The following ACER3 variants were observed in gnomAD, a reference collection of about 807,000 sequenced individuals.
ACER3 encodes alkCDase 3.
In ACER3, 16 loss-of-function variants were observed where a neutral mutation model predicts 48.9. That is an observed-to-expected ratio of 0.33 (90% confidence interval 0.22 to 0.50). The LOEUF is 0.50. Among genes scored for constraint, ACER3 ranks in the 20% least tolerant of loss-of-function variants. The probability of loss-of-function intolerance (pLI) is 0.98; values close to 1 mark genes in which losing one functional copy is unlikely to be tolerated. For missense variants in ACER3, 227 were observed against 326.0 expected (o/e 0.70, Z 2.34); for synonymous variants, 109 against 107.8 (o/e 1.01, Z -0.07).
rs1949527999 is a variant in ACER3 at position 77,024,848 on chromosome 11, T to G, written c.*4521T>G. Reference sequence around the variant, plus strand: ...AGTGTAGAAGACTGGTCACAAGAATTTTTTTTTAAATAGAAAACCCTAAAA... The same window carrying G: ...AGTGTAGAAGACTGGTCACAAGAATGTTTTTTTAAATAGAAAACCCTAAAA... On this transcript the variant is annotated 3_prime_UTR_variant, in exon 11 of 11. Transcript: ENST00000532485. 6.6e-6 allele frequency: 1 copy of G among 152,062 alleles called. No homozygotes were observed. 9.4% of individuals were successfully genotyped at this position (152,062 alleles called of 1,614,324 possible).
chr11:76,980,210 T>C (rs1948553725), intron 4 of ACER3, among the ~76,000 whole-genome samples: 1 of 152,162 alleles, frequency 6.6e-6, no homozygotes, highest in Non-Finnish European at 1.5e-5. Context: ...TCTTGAGCCA[T>C]AGTTTGTCAC....
intron 9 of ACER3, among the ~76,000 whole-genome samples, chr11:77,018,996 G>A (rs752081985): frequency 6.6e-6 from 1 of 152,074 alleles, no homozygotes; most frequent in Non-Finnish European, 1.5e-5. Context: ...CCTTCTATTG[G>A]AAGAAGATAC....
intron 2 of ACER3, among the ~76,000 whole-genome samples, chr11:76,952,667 TC>T (rs1249921982): frequency 4.5e-5 from 5 of 111,078 alleles, no homozygotes; most frequent in Non-Finnish European, 1.0e-4. Context: ...ACGTAAGATT[TC>T]TTTTTTTTTT....
At chr11:76,905,510 C>G (rs1412775817) in intron 1 of ACER3, among the ~76,000 whole-genome samples, 2 of 152,162 alleles carry the variant, frequency 1.3e-5, no homozygotes, top group Admixed American at 1.3e-4. Flanking sequence ...CTCAAGACCC[C>G]TTTCCATTTC....
intron 1 of ACER3, among the ~76,000 whole-genome samples, chr11:76,896,263 T>A (rs1463876233): frequency 6.6e-6 from 1 of 152,212 alleles, no homozygotes; most frequent in Non-Finnish European, 1.5e-5. Flanking sequence ...CATTGGATCC[T>A]TACTGTTGTA....
chr11:76,893,977 C>T (rs1332013472), intron 1 of ACER3, among the ~76,000 whole-genome samples: 1 of 152,166 alleles, frequency 6.6e-6, no homozygotes, highest in African/African-American at 2.4e-5. Context: ...TTGGCATCAG[C>T]ATTATATATT....
At chr11:76,931,012 GA>G (rs1280412455) in intron 2 of ACER3, among the ~76,000 whole-genome samples, 4 of 145,410 alleles carry the variant, frequency 2.8e-5, no homozygotes, top group African/African-American at 1.0e-4. Flanking sequence ...TCAATTCCTG[GA>G]TATCCTTGTT....
intron 7 of ACER3, among the ~76,000 whole-genome samples, chr11:77,009,697 G>C (rs1300561313): frequency 6.6e-6 from 1 of 152,132 alleles, no homozygotes; most frequent in African/African-American, 2.4e-5. Context: ...TTTAGTCCCA[G>C]CTACTCAGCA....
intron 1 of ACER3, among the ~76,000 whole-genome samples, chr11:76,915,218 A>T (rs565179046): frequency 3.4e-5 from 5 of 148,934 alleles, no homozygotes; most frequent in East Asian, 3.9e-4. Context: ...TAAATAAGTT[A>T]AAAAAAAAAG....
intron 4 of ACER3, among the ~76,000 whole-genome samples, chr11:76,982,354 C>T (rs185631657): frequency 1.3e-5 from 2 of 151,266 alleles, no homozygotes; most frequent in East Asian, 3.9e-4. Flanking sequence ...GTAGCTGGGA[C>T]TACAGGCACC....
chr11:77,005,254 C>T (rs368855325), intron 7 of ACER3, among the ~76,000 whole-genome samples: 8 of 152,202 alleles, frequency 5.3e-5, no homozygotes, highest in African/African-American at 1.7e-4. Context: ...CCAGGATGGT[C>T]TCGATCTCCT....
At chr11:76,926,238 C>T (rs190096875) in intron 1 of ACER3, among the ~76,000 whole-genome samples, 34 of 152,320 alleles carry the variant, frequency 2.2e-4, no homozygotes, top group Admixed American at 2.1e-3. Context: ...GGCTGCCTCC[C>T]CCAACCCATT....
intron 3 of ACER3, among the ~76,000 whole-genome samples, chr11:76,966,588 AC>A (rs1948144105): frequency 1.3e-5 from 2 of 151,258 alleles, no homozygotes; most frequent in Admixed American, 1.3e-4. Flanking sequence ...ATGTAAAAGA[AC>A]AAAGTATAAC....
chr11:76,947,808 G>A lies in ACER3; in HGVS notation c.215-11171G>A, dbSNP rs563081858. 3.3e-5 allele frequency among the ~76,000 whole-genome samples: 5 copies of A among 152,292 alleles called. No homozygotes were observed. In the East Asian group the frequency reaches 9.6e-4, roughly 29 times the overall value. On this transcript the variant is annotated intron_variant, in intron 2 of 10. Transcript: ENST00000532485. ...TTTTATTTTTTGGTTAATAGCTCCAGTACTTGTGCATATGGAAGTATGATT... is the reference window on the plus strand; with the variant it reads ...TTTTATTTTTTGGTTAATAGCTCCAATACTTGTGCATATGGAAGTATGATT...
At chr11:76,892,205 T>G (rs947928967) in intron 1 of ACER3, among the ~76,000 whole-genome samples, 57 of 152,320 alleles carry the variant, frequency 3.7e-4, no homozygotes, top group African/African-American at 1.3e-3. Context: ...TAAGGTGATA[T>G]TTTATATCAA....
At chr11:76,902,101 C>T (rs1363674689) in intron 1 of ACER3, among the ~76,000 whole-genome samples, 1 of 151,964 alleles carries the variant, frequency 6.6e-6, no homozygotes, top group Non-Finnish European at 1.5e-5. Context: ...CCTGTTCAGG[C>T]AGATATTCTT....
chr11:76,953,978 A>C (rs1947762519), intron 2 of ACER3, among the ~76,000 whole-genome samples: 1 of 135,832 alleles, frequency 7.4e-6, no homozygotes, highest in Admixed American at 7.9e-5. Context: ...ATGGAGTTTC[A>C]CTCTTGTCGC....
At chr11:76,862,037 A>T (rs1944953960) in intron 1 of ACER3, among the ~76,000 whole-genome samples, 1 of 152,222 alleles carries the variant, frequency 6.6e-6, no homozygotes, top group South Asian at 2.1e-4. Flanking sequence ...AGGTTTTGAG[A>T]GCACAATATT....
intron 9 of ACER3, among the ~76,000 whole-genome samples, chr11:77,017,355 AT>A (rs1555023569): frequency 6.6e-6 from 1 of 152,160 alleles, no homozygotes; most frequent in East Asian, 1.9e-4. Flanking sequence ...ATGCCAACCA[AT>A]TGGATGACTT....
Sources: allele counts gnomAD v4.1 joint callset (sites outside exome capture counted in the v4.1 genomes callset), GRCh38; gene constraint gnomAD v4.1.1; transcripts MANE v1.5; gene names NCBI Gene and HGNC (gene_info 2026-07-23, HGNC 2026-07-21).